The following PDE4D variants were observed in gnomAD, a reference collection of about 807,000 sequenced individuals.
The protein encoded by PDE4D is phosphodiesterase 4D, also known as 3',5'-cyclic-AMP phosphodiesterase 4D.
In PDE4D, 24 loss-of-function variants were observed where a neutral mutation model predicts 87.4. The ratio of observed to expected loss-of-function variants is 0.27; its 90% CI spans 0.20 to 0.39. The LOEUF is 0.39. Among genes scored for constraint, PDE4D ranks in the 10% least tolerant of loss-of-function variants. PDE4D has a pLI of 1.00. For synonymous variants in PDE4D, 384 were observed against 383.2 expected (o/e 1.00, Z -0.02); for missense variants, 714 against 1,041.0 (o/e 0.69, Z 4.32).
intron 1 of PDE4D, among the ~76,000 whole-genome samples, chr5:59,669,103 CTTTATT>C (rs1229246682): frequency 5.9e-5 from 9 of 152,174 alleles, no homozygotes; most frequent in South Asian, 4.1e-4. Flanking sequence ...TCCCTTTATT[CTTTATT>C]TTTGAGATGG....
chr5:59,781,792 A>G (rs1395287974), intron 1 of PDE4D, among the ~76,000 whole-genome samples: 4 of 149,522 alleles, frequency 2.7e-5, no homozygotes, highest in African/African-American at 9.8e-5. Flanking sequence ...CTCAAAAAAA[A>G]AAAAAAAAAA....
chr5:59,779,163 G>GA (rs879308296), intron 1 of PDE4D, among the ~76,000 whole-genome samples: 116 of 141,502 alleles, frequency 8.2e-4, no homozygotes, highest in African/African-American at 1.9e-3. Flanking sequence ...CTCTGTCTCG[G>GA]AAAAAAAAAA....
chr5:60,098,497 C>T (rs35123365), intron 2 of PDE4D, among the ~76,000 whole-genome samples: 20,941 of 151,768 alleles, frequency 0.14, 1,484 homozygotes, highest in Middle Eastern at 0.22. Flanking sequence ...CTTTCACATC[C>T]CTGGTTGTAT....
At chr5:60,474,866 C>T (rs1748185916) in intron 1 of PDE4D, among the ~76,000 whole-genome samples, 1 of 152,174 alleles carries the variant, frequency 6.6e-6, no homozygotes, top group Admixed American at 6.5e-5. Context: ...CTGCCTCAGA[C>T]CTTCCAGCAA....
intron 1 of PDE4D, among the ~76,000 whole-genome samples, chr5:59,507,679 A>AAAAAAAAAAAAAAAAAAAG (rs61334148): frequency 8.4e-6 from 1 of 118,712 alleles, no homozygotes; most frequent in Non-Finnish European, 1.7e-5. Context: ...AAAAAAAAAA[A>AAAAAAAAAAAAAAAAAAAG]AAAAGAAAAG....
chr5:60,107,819 T>TA (rs995378678), intron 2 of PDE4D, among the ~76,000 whole-genome samples: 2 of 152,114 alleles, frequency 1.3e-5, no homozygotes, highest in Admixed American at 6.5e-5. Flanking sequence ...CCCTTCATGC[T>TA]AAAAAATCTC....
At chr5:60,059,020 A>G (rs1040884102) in intron 2 of PDE4D, among the ~76,000 whole-genome samples, 1 of 133,340 alleles carries the variant, frequency 7.5e-6, no homozygotes, top group Non-Finnish European at 1.6e-5. Flanking sequence ...AGTTCTATCT[A>G]TCTTTTTTGG....
At chr5:60,102,377 G>A (rs941425448) in intron 2 of PDE4D, among the ~76,000 whole-genome samples, 34 of 152,096 alleles carry the variant, frequency 2.2e-4, no homozygotes, top group African/African-American at 8.2e-4. Flanking sequence ...CTTTTGAATT[G>A]TGAAGAAGAA....
chr5:59,172,077 A>G (rs376060930), intron 5 of PDE4D, among the ~76,000 whole-genome samples: 1 of 7,856 alleles, frequency 1.3e-4, no homozygotes, highest in East Asian at 1.7e-3. Context: ...TAATAAATAT[A>G]TATTATATAT....
chr5:59,474,228 T>C (rs1802920627), intron 1 of PDE4D, among the ~76,000 whole-genome samples: 2 of 152,166 alleles, frequency 1.3e-5, no homozygotes, highest in Non-Finnish European at 2.9e-5. Context: ...AAGTTCATTA[T>C]ATGCCACTGT....
rs1810243641 is a variant in PDE4D, at chr5:59,511,296, A to C, written c.456-295328T>G. On this transcript the variant is annotated intron_variant, in intron 1 of 14. Transcript: ENST00000340635. ...AGTAATCAAAATGATACATGAGAAG[A>C]CTGTGTCAGAAGAAAGAGCAATATT... 2.0e-5 allele frequency among the ~76,000 whole-genome samples: 3 copies of C among 151,996 alleles called. No homozygotes were observed. The South Asian group carries it at 6.2e-4, about 31-fold the overall frequency.
At chr5:60,509,872 G>A (rs1750493909) in intron 1 of PDE4D, among the ~76,000 whole-genome samples, 1 of 152,140 alleles carries the variant, frequency 6.6e-6, no homozygotes, top group Non-Finnish European at 1.5e-5. Context: ...GAGCCTCCCT[G>A]GTCCAAGACA....
At chr5:60,282,204 TAAAC>T (rs1751983458) in intron 1 of PDE4D, among the ~76,000 whole-genome samples, 1 of 90,396 alleles carries the variant, frequency 1.1e-5, no homozygotes, top group South Asian at 4.3e-4. Flanking sequence ...AAGAGAGAAA[TAAAC>T]ATATATATAT....
chr5:60,363,894 G>A (rs1269300831), intron 1 of PDE4D, among the ~76,000 whole-genome samples: 2 of 152,216 alleles, frequency 1.3e-5, no homozygotes, highest in Non-Finnish European at 1.5e-5. Context: ...TAATTCAAGA[G>A]CTTCAGTAGT....
intron 11 of PDE4D, among the ~76,000 whole-genome samples, chr5:58,979,025 A>G (rs1028804610): frequency 6.6e-6 from 1 of 152,234 alleles, no homozygotes; most frequent in African/African-American, 2.4e-5. Flanking sequence ...GCATGTAGAC[A>G]AGCAGTGTTA....
At chr5:60,033,412 G>C (rs1260984571) in intron 2 of PDE4D, among the ~76,000 whole-genome samples, 1 of 152,104 alleles carries the variant, frequency 6.6e-6, no homozygotes, top group Non-Finnish European at 1.5e-5. Flanking sequence ...CAACAAGAAA[G>C]AGGATGTTTT....
intron 1 of PDE4D, among the ~76,000 whole-genome samples, chr5:60,407,090 G>T (rs1051247904): frequency 6.6e-6 from 1 of 152,184 alleles, no homozygotes; most frequent in Admixed American, 6.5e-5. Flanking sequence ...ATGAGCTGGA[G>T]GTGGAAAGGA....
At chr5:60,227,904 G>A (rs541816748) in intron 1 of PDE4D, among the ~76,000 whole-genome samples, 3 of 151,850 alleles carry the variant, frequency 2.0e-5, no homozygotes, top group African/African-American at 4.8e-5. Flanking sequence ...CATTGCAGTC[G>A]CACGTCACAT....
intron 5 of PDE4D, among the ~76,000 whole-genome samples, chr5:59,084,095 C>T (rs144237865): frequency 3.0e-3 from 451 of 152,006 alleles, no homozygotes; most frequent in Non-Finnish European, 5.0e-3. Context: ...TATGTTCTCC[C>T]AGATATTAAA....
Sources: allele counts gnomAD v4.1 joint callset (sites outside exome capture counted in the v4.1 genomes callset), GRCh38; gene constraint gnomAD v4.1.1; transcripts MANE v1.5; gene names NCBI Gene and HGNC (gene_info 2026-07-23, HGNC 2026-07-21).